Variants in TRPM3 observed in about 807,000 individuals in gnomAD.
TRPM3 encodes the protein long transient receptor potential channel 3.
Under a neutral mutation model 181.2 loss-of-function variants are expected in TRPM3, and 77 were observed. That is an observed-to-expected ratio of 0.42 (90% confidence interval 0.35 to 0.51). The LOEUF (loss-of-function observed/expected upper bound fraction) is 0.51, where lower values mean the gene tolerates loss of function less well. TRPM3 is among the 20% of genes least tolerant of loss of function. The pLI, the probability that TRPM3 is intolerant of heterozygous loss-of-function variation, is 0.01. For missense variants in TRPM3, 1,759 were observed against 2,196.7 expected (o/e 0.80, Z 3.98); for synonymous variants, 745 against 796.4 (o/e 0.94, Z 1.09).
chr9:70,820,959 T>C (rs1007821806), intron 6 of TRPM3, among the ~76,000 whole-genome samples: 9 of 152,188 alleles, frequency 5.9e-5, no homozygotes, highest in African/African-American at 2.2e-4. Context: ...TCACAATTGC[T>C]GAAGATCTTT....
chr9:70,844,998 C>T (rs774038763), intron 4 of TRPM3, among the ~76,000 whole-genome samples: 1 of 152,108 alleles, frequency 6.6e-6, no homozygotes, highest in Admixed American at 6.5e-5. Flanking sequence ...TTGATTACTA[C>T]AGGATAAGGA....
At chr9:70,910,634 T>G (rs1280056806) in intron 1 of TRPM3, among the ~76,000 whole-genome samples, 32 of 152,216 alleles carry the variant, frequency 2.1e-4, no homozygotes, top group Admixed American at 2.1e-3. Flanking sequence ...ATTATCACTT[T>G]CTATGCTCTT....
intron 9 of TRPM3, among the ~76,000 whole-genome samples, chr9:70,672,690 T>C (rs1286661127): frequency 1.3e-5 from 2 of 152,210 alleles, no homozygotes; most frequent in African/African-American, 4.8e-5. Flanking sequence ...GTTTCTTCAC[T>C]AAAATATTGG....
intron 19 of TRPM3, among the ~76,000 whole-genome samples, chr9:70,607,940 A>G (rs2086646905): frequency 6.6e-6 from 1 of 152,200 alleles, no homozygotes; most frequent in African/African-American, 2.4e-5. Flanking sequence ...GGTAAATGAG[A>G]TTTAGCCTAA....
intron 1 of TRPM3, among the ~76,000 whole-genome samples, chr9:71,028,493 G>A (rs1332127232): frequency 1.3e-5 from 2 of 151,986 alleles, no homozygotes; most frequent in Non-Finnish European, 2.9e-5. Context: ...TGGACTAAAT[G>A]CCCCAATTAA....
chr9:70,853,255 A>G (rs1216894948), intron 3 of TRPM3, among the ~76,000 whole-genome samples: 2 of 152,192 alleles, frequency 1.3e-5, no homozygotes, highest in Admixed American at 6.5e-5. Flanking sequence ...ACAATCCTTT[A>G]ATTCATTATT....
chr9:71,042,260 G>T (rs904041111), intron 1 of TRPM3, among the ~76,000 whole-genome samples: 2 of 151,820 alleles, frequency 1.3e-5, no homozygotes, highest in Non-Finnish European at 2.9e-5. Flanking sequence ...ATGCTGCATT[G>T]AATTAATTTA....
chr9:71,087,251 T>C (rs936942527), intron 1 of TRPM3, among the ~76,000 whole-genome samples: 4 of 152,054 alleles, frequency 2.6e-5, no homozygotes, highest in Admixed American at 6.6e-5. Flanking sequence ...TTGCTACTTC[T>C]AGCCTTGTGT....
At chr9:70,630,211 T>A (rs772795008) in intron 12 of TRPM3, among the ~76,000 whole-genome samples, 5 of 152,232 alleles carry the variant, frequency 3.3e-5, no homozygotes, top group Non-Finnish European at 7.3e-5. Flanking sequence ...GCCAGATCAC[T>A]TCCTGTCTCT....
chr9:70,738,382 A>G (rs2073250431), intron 8 of TRPM3, among the ~76,000 whole-genome samples: 1 of 152,168 alleles, frequency 6.6e-6, no homozygotes, highest in South Asian at 2.1e-4. Flanking sequence ...CATGTACCCT[A>G]AAACTTAAAG....
intron 1 of TRPM3, among the ~76,000 whole-genome samples, chr9:70,922,210 T>C (rs2096664655): frequency 6.6e-6 from 1 of 152,148 alleles, no homozygotes; most frequent in Admixed American, 6.5e-5. Context: ...GTAGGCATTT[T>C]CCACTTTTGT....
At chr9:71,341,379 A>T (rs2090949477) in intron 1 of TRPM3, among the ~76,000 whole-genome samples, 1 of 152,186 alleles carries the variant, frequency 6.6e-6, no homozygotes, top group Non-Finnish European at 1.5e-5. Flanking sequence ...ATCAAGGTTA[A>T]CATCACTAGC....
chr9:71,077,705 C>T (rs537310877), intron 1 of TRPM3, among the ~76,000 whole-genome samples: 7 of 152,046 alleles, frequency 4.6e-5, no homozygotes, highest in East Asian at 1.9e-4. Flanking sequence ...CACTAGTGGA[C>T]GGTAGAGACC....
At chr9:71,013,044 C>T (rs557800687) in intron 1 of TRPM3, among the ~76,000 whole-genome samples, 21 of 152,148 alleles carry the variant, frequency 1.4e-4, no homozygotes, top group Admixed American at 8.5e-4. Context: ...TACACATACA[C>T]GCATATTTGT....
chr9:70,748,655 T>C (rs898096086), intron 8 of TRPM3, among the ~76,000 whole-genome samples: 1 of 152,044 alleles, frequency 6.6e-6, no homozygotes, highest in African/African-American at 2.4e-5. Flanking sequence ...CTCCACCACA[T>C]GAAGATGCAG....
intron 1 of TRPM3, among the ~76,000 whole-genome samples, chr9:71,279,474 A>G (rs2084526649): frequency 6.6e-6 from 1 of 152,244 alleles, no homozygotes. Flanking sequence ...AAAACTTTAT[A>G]GGAGCAAAAA....
intron 1 of TRPM3, among the ~76,000 whole-genome samples, chr9:71,420,535 AAGAAAGAAAAAGAGAAAGAAAG>A (rs960061356): frequency 4.6e-5 from 7 of 151,606 alleles, no homozygotes; most frequent in South Asian, 2.1e-4. Flanking sequence ...AAGAGAAAGA[AAGAAAGAAAAAGAGAAAGAAAG>A]AGAAAGAAAA....
chr9:71,078,406 A>T (rs2133694635), intron 1 of TRPM3, among the ~76,000 whole-genome samples: 1 of 152,296 alleles, frequency 6.6e-6, no homozygotes, highest in East Asian at 1.9e-4. Flanking sequence ...CTAGAAAGAC[A>T]TGAAAGGAAT....
chr9:71,437,780 C>T (rs1563931544), intron 1 of TRPM3, among the ~76,000 whole-genome samples: 1 of 149,612 alleles, frequency 6.7e-6, no homozygotes, highest in African/African-American at 2.5e-5. Context: ...AGGCAGGAGA[C>T]TCACTTGAAC....
Sources: allele counts gnomAD v4.1 joint callset (sites outside exome capture counted in the v4.1 genomes callset), GRCh38; gene constraint gnomAD v4.1.1; transcripts MANE v1.5; gene names NCBI Gene and HGNC (gene_info 2026-07-23, HGNC 2026-07-21).